RANBP2: variants seen among roughly 807,000 people sequenced by gnomAD.
RANBP2 encodes RAN binding protein 2.
RANBP2 carries 57 observed loss-of-function variants against 303.6 expected under a neutral mutation model. The observed-to-expected ratio is 0.19, with a 90% CI of 0.15 to 0.23. RANBP2 has a LOEUF of 0.23. Among genes scored for constraint, RANBP2 ranks in the 10% least tolerant of loss-of-function variants. The pLI, the probability that RANBP2 is intolerant of heterozygous loss-of-function variation, is 1.00. For missense variants in RANBP2, 3,138 were observed against 3,780.8 expected (o/e 0.83, Z 4.46); for synonymous variants, 1,167 against 1,301.5 (o/e 0.90, Z 2.23).
the RANBP2 span, among the ~76,000 whole-genome samples, chr2:108,820,311 C>T: frequency 3.3e-5 from 5 of 151,980 alleles, no homozygotes; most frequent in African/African-American, 9.7e-5. Context: ...AGAAAAGTGA[C>T]GACAGTCTGA....
chr2:109,695,568 T>A, the RANBP2 span, among the ~76,000 whole-genome samples: 1 of 152,216 alleles, frequency 6.6e-6, no homozygotes. Context: ...TGGACCCCAC[T>A]GATACTACCT....
At chr2:109,325,277 C>T in the RANBP2 span, among the ~76,000 whole-genome samples, 1 of 151,472 alleles carries the variant, frequency 6.6e-6, no homozygotes, top group African/African-American at 2.4e-5. Context: ...TCGTAGAATC[C>T]CAGGAGTCAT....
Position 108,746,818 on chromosome 2 carries a change from A to G in RANBP2, c.1063+20A>G. 4.8e-6 allele frequency: 3 copies of G among 628,926 alleles called. No individual in the cohort carries two copies. The highest frequency in any genetic ancestry group is 3.7e-5 in the African/African-American group (2 of 53,808). 39.0% of individuals were successfully genotyped at this position (628,926 alleles called of 1,614,324 possible). ...AATCAGGTAATAGTAATATTAAACT[A>G]ATTTAATTTAAAAAGAAAAAGGAAT... is the stretch of plus-strand genomic sequence containing the variant. On this transcript the variant is annotated intron_variant, in intron 8 of 28. Transcript: ENST00000283195.
the RANBP2 span, among the ~76,000 whole-genome samples, chr2:109,279,776 G>A: frequency 2.0e-5 from 3 of 152,144 alleles, no homozygotes; most frequent in African/African-American, 7.2e-5. Flanking sequence ...CGCTGACCTC[G>A]CTGACAGAGC....
chr2:109,629,351 ATATATTTTTTTTT>A, the RANBP2 span, among the ~76,000 whole-genome samples: 2 of 6,552 alleles, frequency 3.1e-4, no homozygotes, highest in African/African-American at 1.0e-3. Context: ...ATATATATAT[ATATATTTTTTTTT>A]TTTTTTTCAT....
the RANBP2 span, among the ~76,000 whole-genome samples, chr2:108,957,048 C>T: frequency 6.6e-6 from 1 of 152,208 alleles, no homozygotes; most frequent in Admixed American, 6.5e-5. Context: ...CCTCGGCCTC[C>T]CAAAGTGCTG....
chr2:108,906,425 G>A, the RANBP2 span: 463 of 1,587,300 alleles, frequency 2.9e-4, 1 homozygote, highest in Middle Eastern at 2.7e-3. Context: ...TAGAAAGGAG[G>A]CAAATCCTCC....
the RANBP2 span, among the ~76,000 whole-genome samples, chr2:108,903,918 A>G: frequency 2.0e-4 from 31 of 152,302 alleles, no homozygotes; most frequent in Admixed American, 1.9e-3. Context: ...ACACAAAAGC[A>G]TCATCCATAA....
the RANBP2 span, among the ~76,000 whole-genome samples, chr2:108,800,044 A>T: frequency 6.6e-6 from 1 of 152,174 alleles, no homozygotes; most frequent in South Asian, 2.1e-4. Context: ...AGCATAGTTT[A>T]AAAACTATGT....
At chr2:109,657,812 T>C in the RANBP2 span, among the ~76,000 whole-genome samples, 1 of 145,228 alleles carries the variant, frequency 6.9e-6, no homozygotes, top group Non-Finnish European at 1.5e-5. Flanking sequence ...CTCCTCCTCC[T>C]GGGCTCAAGT....
the RANBP2 span, among the ~76,000 whole-genome samples, chr2:109,249,975 C>T: frequency 7.2e-5 from 11 of 152,038 alleles, no homozygotes; most frequent in South Asian, 4.2e-4. Context: ...TGAGCCACCG[C>T]GCCCGGCCTG....
At chr2:108,901,230 C>G in the RANBP2 span, among the ~76,000 whole-genome samples, 1 of 152,258 alleles carries the variant, frequency 6.6e-6, no homozygotes, top group East Asian at 1.9e-4. Context: ...CAACAGTCTT[C>G]TAAATAATCC....
At chr2:109,159,972 A>G in the RANBP2 span, among the ~76,000 whole-genome samples, 2 of 152,246 alleles carry the variant, frequency 1.3e-5, no homozygotes, top group African/African-American at 4.8e-5. Flanking sequence ...TAATAGAAAT[A>G]AAGTGCACAA....
intron 18 of RANBP2, among the ~76,000 whole-genome samples, chr2:108,759,637 C>G (rs1429403016): frequency 6.6e-6 from 1 of 152,168 alleles, no homozygotes; most frequent in Non-Finnish European, 1.5e-5. Flanking sequence ...AACAGAAAAT[C>G]TTTGTGAAAT....
the RANBP2 span, among the ~76,000 whole-genome samples, chr2:109,695,406 T>C: frequency 6.6e-6 from 1 of 152,218 alleles, no homozygotes; most frequent in Non-Finnish European, 1.5e-5. Flanking sequence ...CTCTGCAATC[T>C]CCTTGTGTTT....
At position 108,782,197 on chromosome 2, in the gene RANBP2, G is replaced by A; in HGVS notation, c.8830G>A (p.Asp2944Asn). Reference protein sequence around the residue: ...FKERAKLYRWDRDVSQWKERG... With the variant: ...FKERAKLYRWNRDVSQWKERG... ...AGAGAGAGCCAAACTTTATAGATGG[G>A]ATCGGGATGTCAGTCAGTGGAAGGA... is the stretch of plus-strand genomic sequence containing the variant. Residue 2944 changes from aspartate to asparagine, a missense_variant, in exon 27 of 29, where the codon GAT becomes AAT. Asp to Asn is a conservative substitution (Grantham distance 23). Around this residue, in one of 20 missense-constraint regions of RANBP2, gnomAD observed 68 missense variants for 117.4 expected, o/e 0.58. Coordinates refer to ENST00000283195, the MANE Select transcript of RANBP2 (RefSeq NM_006267.5). 6.2e-7 allele frequency: 1 copy of A among 1,614,166 alleles called. No individual in the cohort carries two copies.
At chr2:109,223,249 T>G in the RANBP2 span, among the ~76,000 whole-genome samples, 1 of 151,882 alleles carries the variant, frequency 6.6e-6, no homozygotes, top group Non-Finnish European at 1.5e-5. Flanking sequence ...TAACCAGGAG[T>G]TGGCTGTTAC....
the RANBP2 span, among the ~76,000 whole-genome samples, chr2:109,241,744 C>T: frequency 2.0e-5 from 3 of 151,744 alleles, no homozygotes; most frequent in Admixed American, 6.6e-5. Context: ...TCCCACCCTG[C>T]GTGTTTCCCT....
At chr2:109,117,562 G>T in the RANBP2 span, among the ~76,000 whole-genome samples, 38 of 152,352 alleles carry the variant, frequency 2.5e-4, 1 homozygote, top group East Asian at 4.1e-3. Flanking sequence ...CTAGGAAAGG[G>T]AACTCCTTGA....
Sources: gnomAD v4.1 joint callset for allele counts (sites outside exome capture counted in the v4.1 genomes callset) on GRCh38, gnomAD v4.1.1 for gene constraint, gnomAD v4.1.1 regional missense constraint, MANE v1.5 for transcripts, NCBI Gene and HGNC (gene_info 2026-07-23, HGNC 2026-07-21) for gene names.